DNAH14: variants seen among roughly 807,000 people sequenced by gnomAD.
The protein encoded by DNAH14 is dynein axonemal heavy chain 14.
DNAH14 carries 478 observed loss-of-function variants against 520.9 expected under a neutral mutation model. The observed-to-expected ratio is 0.92, with a 90% CI of 0.85 to 0.99. The LOEUF (loss-of-function observed/expected upper bound fraction) is 0.99, where lower values mean the gene tolerates loss of function less well. Among genes scored for constraint, DNAH14 ranks in the 50% least tolerant of loss-of-function variants. DNAH14 has a pLI of 0.00. For missense variants in DNAH14, 4,831 were observed against 5,234.5 expected (o/e 0.92, Z 2.38); for synonymous variants, 1,581 against 1,757.2 (o/e 0.90, Z 2.51).
At chr1:225,259,797 A>G (rs2092869712) in intron 46 of DNAH14, among the ~76,000 whole-genome samples, 1 of 152,110 alleles carries the variant, frequency 6.6e-6, no homozygotes, top group Non-Finnish European at 1.5e-5. Context: ...TCCACATGTA[A>G]GTGAGATTAT....
intron 10 of DNAH14, among the ~76,000 whole-genome samples, chr1:225,009,079 G>A (rs2064457878): frequency 6.6e-6 from 1 of 152,116 alleles, no homozygotes; most frequent in Admixed American, 6.5e-5. Flanking sequence ...TCTGATGGTA[G>A]TTTCTTTTGC....
chr1:225,344,935 G>T (rs1027094313), intron 69 of DNAH14, among the ~76,000 whole-genome samples: 1 of 151,966 alleles, frequency 6.6e-6, no homozygotes, highest in African/African-American at 2.4e-5. Context: ...GGATGGTCTC[G>T]ATCTCTTGAC....
Position 225,144,538 on chromosome 1 carries a change from T to A in DNAH14, c.4650T>A (p.Thr1550=), listed in dbSNP as rs1284657537. Reference sequence around the variant, plus strand: ...CTCTCACAGACCGATGCTGGCTGACTCTCATGGAAGCACTACACTTGAATC... The same window carrying A: ...CTCTCACAGACCGATGCTGGCTGACACTCATGGAAGCACTACACTTGAATC... ...ITPLTDRCWL[T]LMEALHLNLG... Residue 1550 remains threonine, a synonymous_variant, in exon 29 of 86, where the codon ACT becomes ACA. Coordinates refer to ENST00000682510, the MANE Select transcript of DNAH14 (RefSeq NM_001367479.1). 6.4e-7 allele frequency: 1 copy of A among 1,551,512 alleles called. No homozygotes were observed. Among genetic ancestry groups the A allele is most frequent in the Non-Finnish European group, 8.7e-7 (1 of 1,146,980 alleles).
At chr1:225,256,029 C>T (rs937380915) in intron 44 of DNAH14, among the ~76,000 whole-genome samples, 15 of 151,944 alleles carry the variant, frequency 9.9e-5, no homozygotes, top group African/African-American at 2.7e-4. Flanking sequence ...TTTGTGTATA[C>T]GAGCCAATGC....
intron 17 of DNAH14, among the ~76,000 whole-genome samples, chr1:225,074,615 G>A (rs2148516680): frequency 6.6e-6 from 1 of 152,218 alleles, no homozygotes; most frequent in East Asian, 1.9e-4. Context: ...ACACCAGCGG[G>A]GTGGCTGGAG....
intron 66 of DNAH14, among the ~76,000 whole-genome samples, chr1:225,334,908 G>GTGTGTA (rs58202867): frequency 0.23 from 33,499 of 145,786 alleles, 3,822 homozygotes; most frequent in Admixed American, 0.27. Context: ...GTGTGTGTGT[G>GTGTGTA]TATATGTATA....
At chr1:224,952,628 T>A in intron 1 of DNAH14, 42 bp from the exon 2 acceptor site, 1 of 1,101,340 alleles carries the variant, frequency 9.1e-7, no homozygotes, top group Non-Finnish European at 1.3e-6. Context: ...AGCTGTCAGA[T>A]TGTATTGTAT....
Position 225,273,004 on chromosome 1 carries a change from A to T in DNAH14, c.7889A>T (p.Glu2630Val), listed in dbSNP as rs1441646757. The change falls in exon 52 of 86, where the codon GAG (glutamate) becomes GTG (valine). Residue 2630 changes from glutamate to valine, a missense_variant. Transcript: ENST00000682510. Reference protein sequence around the residue: ...QADRTVVNSKEMAALLFVHEA... With the variant: ...QADRTVVNSKVMAALLFVHEA... ...GACAGGACTGTTGTTAACTCCAAAG[A>T]GATGGCTGCTCTGCTCTTTGTTCAT... The T allele has an allele frequency of 5.0e-5, 77 of 1,551,194 alleles. No individual in the cohort carries two copies. Among genetic ancestry groups the T allele is most frequent in the Non-Finnish European group, 6.5e-5 (74 of 1,146,884 alleles).
At position 225,340,436 on chromosome 1, in the gene DNAH14, TG is replaced by T. The variant is rs758850580; in HGVS notation, c.10434-19del. 4.0e-6 allele frequency: 6 copies of T among 1,514,230 alleles called. No homozygotes were observed. The highest frequency in any genetic ancestry group is 4.5e-6 in the Non-Finnish European group (5 of 1,123,118). 93.8% of individuals were successfully genotyped at this position (1,514,230 alleles called of 1,614,324 possible). On this transcript the variant is annotated intron_variant, in intron 68 of 85. Coordinates refer to ENST00000682510, the MANE Select transcript of DNAH14 (RefSeq NM_001367479.1). Reference sequence around the variant, plus strand: ...TTCTTCTACATGTTCTTTGAATAACTGGTGCCTTTCTCATGTTCAGGTTATA... The same window carrying T: ...TTCTTCTACATGTTCTTTGAATAACTGTGCCTTTCTCATGTTCAGGTTATA...
At chr1:225,073,436 G>C (rs2071799224) in intron 17 of DNAH14, among the ~76,000 whole-genome samples, 1 of 151,662 alleles carries the variant, frequency 6.6e-6, no homozygotes, top group Non-Finnish European at 1.5e-5. Context: ...TCCATCCAAC[G>C]ACAAGGAACA....
intron 23 of DNAH14, among the ~76,000 whole-genome samples, chr1:225,110,167 CTTTT>C (rs2148813826): frequency 6.6e-6 from 1 of 152,064 alleles, no homozygotes; most frequent in South Asian, 2.1e-4. Context: ...TCTTTGTCTG[CTTTT>C]AGTATCAGGG....
intron 37 of DNAH14, among the ~76,000 whole-genome samples, chr1:225,191,889 T>C (rs2085486556): frequency 6.6e-6 from 1 of 152,058 alleles, no homozygotes; most frequent in East Asian, 1.9e-4. Context: ...ATAAACTCTA[T>C]TTTGTTCCCT....
chr1:225,302,362 GACAAAAAAAA>G (rs1360527333), intron 56 of DNAH14, among the ~76,000 whole-genome samples: 1 of 151,342 alleles, frequency 6.6e-6, no homozygotes, highest in Non-Finnish European at 1.5e-5. Flanking sequence ...ATTTGTTAAA[GACAAAAAAAA>G]GGAAAAAAAA....
Position 225,266,759 on chromosome 1 carries a change from A to T in DNAH14, c.7529A>T (p.Asn2510Ile). 6.6e-7 allele frequency: 1 copy of T among 1,510,264 alleles called. No individual in the cohort carries two copies. The highest frequency in any genetic ancestry group is 8.8e-7 in the Non-Finnish European group (1 of 1,133,954). 93.6% of individuals were successfully genotyped at this position (1,510,264 alleles called of 1,614,324 possible). The change falls in exon 49 of 86, where the codon AAT becomes ATT. Residue 2510 changes from asparagine to isoleucine, a missense_variant. Physicochemically the swap from Asn to Ile is moderately radical, Grantham distance 149. Transcript: ENST00000682510. ...DLGGVYDTEKNTWKNIQDLSI... is the reference protein window; with the variant it reads ...DLGGVYDTEKITWKNIQDLSI... ...GGAGGAGTTTATGATACTGAAAAAA[A>T]TACATGGAAGGTACAGTATATACTA...
chr1:225,290,655 A>ATGTG lies in DNAH14; in HGVS notation c.8469+574_8469+575insGTGT, dbSNP rs1558282480. Among the ~76,000 whole-genome samples, 70 of 45,872 alleles carry ATGTG rather than the reference A, an allele frequency of 1.5e-3. 4 individuals are homozygous for ATGTG. The highest frequency in any genetic ancestry group is 6.5e-3 in the African/African-American group (65 of 10,020). The allele number at this position is 45,872 out of a possible 152,430, so 30.1% of individuals were successfully genotyped here. A position where few individuals can be genotyped will look rare whatever the true frequency, so the allele number is the denominator to read the frequency against. Reference sequence around the variant, plus strand: ...TATGTGTGTGTGTGTGTGTATATATATATATATATATATATATATATATAT... The same window carrying ATGTG: ...TATGTGTGTGTGTGTGTGTATATATATGTGTATATATATATATATATATATATAT... On this transcript the variant is annotated intron_variant, in intron 55 of 85. Coordinates refer to ENST00000682510, the MANE Select transcript of DNAH14 (RefSeq NM_001367479.1).
At chr1:224,958,805 A>C (rs1046723967) in intron 3 of DNAH14, among the ~76,000 whole-genome samples, 2 of 152,126 alleles carry the variant, frequency 1.3e-5, no homozygotes, top group African/African-American at 2.4e-5. Context: ...TGGCAGATTT[A>C]GTATGGAGAA....
chr1:225,305,011 C>T lies in DNAH14; in HGVS notation c.8927C>T (p.Thr2976Ile), dbSNP rs1413265059. The change falls in exon 58 of 86, where the codon ACT becomes ATT. Residue 2976 changes from threonine to isoleucine, a missense_variant. Transcript: ENST00000682510. ...FEETGRFYYTTPNSYLQFMET... is the reference protein window; with the variant it reads ...FEETGRFYYTIPNSYLQFMET... The stretch of plus-strand genomic sequence containing the variant: ...GAAACTGGAAGATTTTATTATACCA[C>T]TCCCAATAGCTACTTGCAATTTATG... The T allele has an allele frequency of 6.5e-7, 1 of 1,546,278 alleles. No homozygotes were observed. The highest frequency in any genetic ancestry group is 8.7e-7 in the Non-Finnish European group (1 of 1,145,876).
intron 55 of DNAH14, among the ~76,000 whole-genome samples, chr1:225,299,178 T>A (rs925863348): frequency 6.6e-6 from 1 of 152,252 alleles, no homozygotes; most frequent in Admixed American, 6.5e-5. Flanking sequence ...AAGCAAAAAT[T>A]GCTAATCACT....
In DNAH14 at chr1:224,968,759, G is replaced by T; in HGVS notation, c.652G>T (p.Val218Phe). The T allele has an allele frequency of 2.8e-6, 4 of 1,431,342 alleles. No individual in the cohort carries two copies. Among genetic ancestry groups the T allele is most frequent in the Non-Finnish European group, 3.7e-6 (4 of 1,077,484 alleles). The allele number at this position is 1,431,342 out of a possible 1,614,324, so 88.7% of individuals were successfully genotyped here. A position where few individuals can be genotyped will look rare whatever the true frequency, so the allele number is the denominator to read the frequency against. Residue 218 changes from valine (V) to phenylalanine (F), a missense_variant and splice_region_variant, in exon 7 of 86, where the codon GTT becomes TTT. Coordinates refer to ENST00000682510, the MANE Select transcript of DNAH14 (RefSeq NM_001367479.1). ...WVITASFISK[V>F]INIVGSVKEV... ...AATGCTTTTGTGCTTTATTTTGTAGGTTATTAATATAGTTGGTAGTGTAAA... is the reference window on the plus strand; with the variant it reads ...AATGCTTTTGTGCTTTATTTTGTAGTTTATTAATATAGTTGGTAGTGTAAA...
Sources: gnomAD v4.1 joint callset for allele counts (sites outside exome capture counted in the v4.1 genomes callset) on GRCh38, gnomAD v4.1.1 for gene constraint, MANE v1.5 for transcripts, NCBI Gene and HGNC (gene_info 2026-07-23, HGNC 2026-07-21) for gene names.